The following ABCC1 variants were observed in gnomAD, a reference collection of about 807,000 sequenced individuals.
The protein encoded by ABCC1 is multidrug resistance-associated protein 1.
Under a neutral mutation model 172.9 loss-of-function variants are expected in ABCC1, and 83 were observed. The observed-to-expected ratio is 0.48, with a 90% CI of 0.40 to 0.58. The LOEUF is 0.58. ABCC1 is among the 20% of genes least tolerant of loss of function. The pLI, the probability that ABCC1 is intolerant of heterozygous loss-of-function variation, is 0.00. For missense variants in ABCC1, 1,817 were observed against 2,002.7 expected (o/e 0.91, Z 1.77); for synonymous variants, 937 against 825.2 (o/e 1.14, Z -2.32).
rs773939267 is a variant in ABCC1, at chr16:16,102,683, C to G, written c.2701C>G (p.Leu901Val). 2.5e-6 allele frequency: 4 copies of G among 1,590,052 alleles called. No individual in the cohort carries two copies. Among genetic ancestry groups the G allele is most frequent in the South Asian group, 2.3e-5 (2 of 87,066 alleles). ...AGCAAAGCAAATGGAGAATGGCATG[C>G]TGGTGACGGACAGTGCAGGGAAGCA... is the stretch of plus-strand genomic sequence containing the variant. ...KEAKQMENGM[L>V]VTDSAGKQLQ... The change falls in exon 20 of 31, where the codon CTG becomes GTG. Residue 901 changes from leucine to valine, a missense_variant. Leu to Val is a conservative substitution (Grantham distance 32). Around this residue, in one of 3 missense-constraint regions of ABCC1, gnomAD observed 1,412 missense variants for 1,600.3 expected, o/e 0.88. Coordinates refer to ENST00000399410, the MANE Select transcript of ABCC1 (RefSeq NM_004996.4).
intron 19 of ABCC1, among the ~76,000 whole-genome samples, chr16:16,093,374 TCCGCACCC>T (rs1365193018): frequency 1.3e-5 from 2 of 152,080 alleles, no homozygotes; most frequent in Non-Finnish European, 2.9e-5. Context: ...CCAGATAGGT[TCCGCACCC>T]CCGCCTTTCT....
intron 1 of ABCC1, among the ~76,000 whole-genome samples, chr16:15,980,356 G>A (rs963193887): frequency 1.3e-5 from 2 of 152,050 alleles, no homozygotes; most frequent in African/African-American, 2.4e-5. Flanking sequence ...CTGTTCTCAC[G>A]CTGCTATAAA....
At chr16:16,077,585 C>T (rs35629) in intron 15 of ABCC1, among the ~76,000 whole-genome samples, 31,818 of 152,038 alleles carry the variant, frequency 0.21, 5,051 homozygotes, top group African/African-American at 0.45. Flanking sequence ...CAGGTATTGT[C>T]TCACTGGGCT....
At chr16:16,083,576 G>A (rs2050889455) in intron 17 of ABCC1, 34 bp downstream of exon 17, 1 of 1,589,956 alleles carries the variant, frequency 6.3e-7, no homozygotes, top group East Asian at 2.3e-5. Context: ...CCCTGAATCA[G>A]TCAGCTGTTG....
intron 13 of ABCC1, among the ~76,000 whole-genome samples, chr16:16,069,379 T>G (rs1333672363): frequency 7.9e-5 from 12 of 151,458 alleles, no homozygotes; most frequent in Non-Finnish European, 1.5e-5. Flanking sequence ...TGTTTTTTTT[T>G]GTTTTTTGTT....
chr16:16,117,654 C>T (rs1381638430), intron 23 of ABCC1, among the ~76,000 whole-genome samples: 1 of 152,220 alleles, frequency 6.6e-6, no homozygotes, highest in African/African-American at 2.4e-5. Flanking sequence ...GCCTGTAACC[C>T]TACCCCTTTG....
In ABCC1 at chr16:16,142,746, T is replaced by A. The variant is rs1195144562; in HGVS notation, c.*1465T>A. 1.3e-5 allele frequency: 2 copies of A among 152,280 alleles called. No individual in the cohort carries two copies. Among genetic ancestry groups the A allele is most frequent in the East Asian group, 3.9e-4 (2 of 5,184 alleles). 9.4% of individuals were successfully genotyped at this position (152,280 alleles called of 1,614,324 possible). On this transcript the variant is annotated 3_prime_UTR_variant, in exon 31 of 31. Coordinates refer to ENST00000399410, the MANE Select transcript of ABCC1 (RefSeq NM_004996.4). ...GTGTTTGAAACCGTGTTGGTCTCTGTGTTCCTGGAAGAAAACAGGGAAGCA... is the reference window on the plus strand; with the variant it reads ...GTGTTTGAAACCGTGTTGGTCTCTGAGTTCCTGGAAGAAAACAGGGAAGCA...
At chr16:16,034,580 CTTTTTTTTTTT>C (rs35163690) in intron 6 of ABCC1, among the ~76,000 whole-genome samples, 8 of 84,664 alleles carry the variant, frequency 9.4e-5, no homozygotes, top group Admixed American at 4.1e-4. Flanking sequence ...TGTATGTTAA[CTTTTTTTTTTT>C]TTTTTTTTTT....
intron 12 of ABCC1, among the ~76,000 whole-genome samples, chr16:16,061,772 CTTTTTTTTTTT>C (rs201926082): frequency 5.2e-5 from 6 of 116,226 alleles, no homozygotes; most frequent in African/African-American, 2.2e-4. Context: ...TTCTTTTTTT[CTTTTTTTTTTT>C]TTTTTTTTGA....
chr16:16,125,794 A>G lies in ABCC1; in HGVS notation c.3718-16A>G, dbSNP rs1488131804. The G allele has an allele frequency of 6.3e-7, 1 of 1,594,026 alleles. No individual in the cohort carries two copies. On this transcript the variant is annotated splice_polypyrimidine_tract_variant and intron_variant, in intron 25 of 30. Transcript: ENST00000399410. ...CCGCTTACTCTAGAAATGCCACGTGACTCTTCCACTCACAGGTCACCACGT... is the reference window on the plus strand; with the variant it reads ...CCGCTTACTCTAGAAATGCCACGTGGCTCTTCCACTCACAGGTCACCACGT...
At chr16:16,093,274 G>A (rs2051325379) in intron 19 of ABCC1, among the ~76,000 whole-genome samples, 1 of 151,820 alleles carries the variant, frequency 6.6e-6, no homozygotes, top group African/African-American at 2.4e-5. Flanking sequence ...CAAAATGTGT[G>A]GGTTTAGCTG....
At position 16,137,545 on chromosome 16, in the gene ABCC1, C is replaced by CTTT. The variant is rs151237296; in HGVS notation, c.4293-793_4293-791dup. 2.9e-3 allele frequency among the ~76,000 whole-genome samples: 167 copies of CTTT among 56,684 alleles called. 26 individuals are homozygous for CTTT. The highest frequency in any genetic ancestry group is 0.012 in the South Asian group (10 of 830). The allele number at this position is 56,684 out of a possible 152,430, so 37.2% of individuals were successfully genotyped here. A position where few individuals can be genotyped will look rare whatever the true frequency, so the allele number is the denominator to read the frequency against. On this transcript the variant is annotated intron_variant, in intron 29 of 30. Coordinates refer to ENST00000399410, the MANE Select transcript of ABCC1 (RefSeq NM_004996.4). ...GATAAGGGATGCATGGGTATGAGGCCTTTTTTTTTTTTTTTTTTTTTTTTT... is the reference window on the plus strand; with the variant it reads ...GATAAGGGATGCATGGGTATGAGGCCTTTTTTTTTTTTTTTTTTTTTTTTTTTT...
At chr16:16,010,036 C>CATTTTTTTTTT in intron 3 of ABCC1, 135 bp downstream of exon 3, 1 of 116,698 alleles carries the variant, frequency 8.6e-6, no homozygotes. Flanking sequence ...TTAAATGTAG[C>CATTTTTTTTTT]CTTTTTTTTT....
At chr16:16,140,258 A>G (rs1306094909) in intron 30 of ABCC1, among the ~76,000 whole-genome samples, 2 of 152,246 alleles carry the variant, frequency 1.3e-5, no homozygotes, top group Admixed American at 6.5e-5. Flanking sequence ...TTAGAGCACC[A>G]TGTAACCACG....
intron 14 of ABCC1, among the ~76,000 whole-genome samples, chr16:16,075,987 C>T (rs45455992): frequency 6.6e-6 from 1 of 152,232 alleles, no homozygotes; most frequent in East Asian, 1.9e-4. Flanking sequence ...CCCGAACCTG[C>T]CTGAGAAGGG....
chr16:16,099,196 A>G (rs2051616669), intron 19 of ABCC1, among the ~76,000 whole-genome samples: 1 of 152,190 alleles, frequency 6.6e-6, no homozygotes, highest in Non-Finnish European at 1.5e-5. Context: ...CCTTGAGGGG[A>G]CCATGCTTAT....
intron 13 of ABCC1, among the ~76,000 whole-genome samples, chr16:16,069,140 T>G (rs932710277): frequency 7.3e-6 from 1 of 137,290 alleles, no homozygotes; most frequent in Non-Finnish European, 1.5e-5. Flanking sequence ...AAACCCTGTA[T>G]GTAAAAAAAA....
chr16:16,077,960 C>G (rs1467968023), intron 15 of ABCC1, among the ~76,000 whole-genome samples: 1 of 152,112 alleles, frequency 6.6e-6, no homozygotes, highest in Non-Finnish European at 1.5e-5. Context: ...CAGTTCGAGA[C>G]CAGCCTGGCC....
intron 1 of ABCC1, among the ~76,000 whole-genome samples, chr16:15,995,055 C>T (rs1597084719): frequency 2.0e-5 from 3 of 149,192 alleles, no homozygotes; most frequent in African/African-American, 4.9e-5. Flanking sequence ...TGCTTGAACT[C>T]GGGAGGTGGA....
Sources: allele counts gnomAD v4.1 joint callset (sites outside exome capture counted in the v4.1 genomes callset), GRCh38; gene constraint gnomAD v4.1.1; regional missense constraint gnomAD v4.1.1; transcripts MANE v1.5; gene names NCBI Gene and HGNC (gene_info 2026-07-23, HGNC 2026-07-21).